The following MAN1C1 variants were observed in gnomAD, a reference collection of about 807,000 sequenced individuals.
The protein encoded by MAN1C1 is mannosyl-oligosaccharide 1,2-alpha-mannosidase IC.
In MAN1C1, 49 loss-of-function variants were observed where a neutral mutation model predicts 71.5. The observed-to-expected ratio is 0.69, with a 90% CI of 0.54 to 0.87. The LOEUF is 0.87. Among genes scored for constraint, MAN1C1 ranks in the 40% least tolerant of loss-of-function variants. MAN1C1 has a pLI of 0.00. For synonymous variants in MAN1C1, 352 were observed against 343.7 expected, an observed-to-expected ratio of 1.02 and a Z score of -0.27; for missense variants, 743 against 835.0, an observed-to-expected ratio of 0.89 and a Z score of 1.36.
rs568979744 is a variant in MAN1C1, at chr1:25,711,813, ACTTT to A, written c.637+25282_637+25285del. On this transcript the variant is annotated intron_variant, in intron 2 of 11. Coordinates refer to ENST00000374332, the MANE Select transcript of MAN1C1 (RefSeq NM_020379.4). This position sits in a 1 kb window ranked among gnomAD's most constrained non-coding sequence, Gnocchi z 4.3. ...TGCTGTCCTGTGTGTGAAAGAGGAT[ACTTT>A]CTTTATTTTACTAAAAGATTCCTTT... 2.5e-3 allele frequency among the ~76,000 whole-genome samples: 381 copies of A among 152,284 alleles called. 2 individuals are homozygous for A. The highest frequency in any genetic ancestry group is 8.8e-3 in the African/African-American group (364 of 41,540).
chr1:25,708,650 C>T lies in MAN1C1; in HGVS notation c.637+22114C>T, dbSNP rs147052673. On this transcript the variant is annotated intron_variant, in intron 2 of 11. Transcript: ENST00000374332. ...CTGTAATCCCAGCACTTTGGGAGGC[C>T]GAGGCAGGCGGATCACCTGAGGTCA... Among the ~76,000 whole-genome samples the T allele has an allele frequency of 8.7e-3, 1,330 of 152,158 alleles. 14 individuals are homozygous for T. The highest frequency in any genetic ancestry group is 0.027 in the African/African-American group (1,140 of 41,488).
intron 10 of MAN1C1, 112 bp downstream of exon 10, chr1:25,781,224 C>T (rs757039522): frequency 2.0e-5 from 23 of 1,143,228 alleles, no homozygotes; most frequent in African/African-American, 3.1e-5. Context: ...GCCACGTTGA[C>T]CTCTGACCAC....
chr1:25,689,826 G>C (rs1020882060), intron 2 of MAN1C1, among the ~76,000 whole-genome samples: 1 of 152,186 alleles, frequency 6.6e-6, no homozygotes, highest in Non-Finnish European at 1.5e-5. Context: ...GGGTATACGA[G>C]GAGACCCTGA....
chr1:25,645,679 C>T (rs888287682), intron 1 of MAN1C1: 4 of 152,218 alleles, frequency 2.6e-5, no homozygotes, highest in Admixed American at 2.0e-4. Flanking sequence ...AAACCAAGCC[C>T]CGACCATTGA....
At chr1:25,675,667 T>C (rs976325759) in intron 1 of MAN1C1, among the ~76,000 whole-genome samples, 2 of 151,142 alleles carry the variant, frequency 1.3e-5, no homozygotes, top group South Asian at 2.1e-4. Context: ...GGAATCTCCA[T>C]ACTGTTTTCC....
chr1:25,669,686 G>A (rs1384656190), intron 1 of MAN1C1, among the ~76,000 whole-genome samples: 2 of 152,182 alleles, frequency 1.3e-5, no homozygotes, highest in Non-Finnish European at 2.9e-5. Context: ...AGGCTGAGGT[G>A]AGAGGATCAC....
chr1:25,708,559 G>C (rs548637044), intron 2 of MAN1C1, among the ~76,000 whole-genome samples: 1 of 152,114 alleles, frequency 6.6e-6, no homozygotes, highest in Non-Finnish European at 1.5e-5. Context: ...AGCCCAGTAG[G>C]TCTCAGCTTC....
At chr1:25,702,862 C>T (rs1172079099) in intron 2 of MAN1C1, among the ~76,000 whole-genome samples, 5 of 152,178 alleles carry the variant, frequency 3.3e-5, no homozygotes, top group East Asian at 1.9e-4. Flanking sequence ...GGCATCTTTG[C>T]GTGCCAGTGA....
rs1441730722 is a variant in MAN1C1, at chr1:25,617,818, C to T, written c.21C>T (p.Pro7=). 5 of 1,602,686 alleles carry T rather than the reference C, an allele frequency of 3.1e-6. No homozygotes were observed. The highest frequency in any genetic ancestry group is 2.7e-5 in the African/African-American group (2 of 73,844). The change falls in exon 1 of 12, where the codon CCC becomes CCT. Residue 7 remains proline, a synonymous_variant. Transcript: ENST00000374332. This position sits in a 1 kb window ranked among gnomAD's most constrained non-coding sequence, Gnocchi z 5.1. Reference sequence around the variant, plus strand: ...CCACGATGCTCATGAGGAAAGTGCCCGGCTTCGTCCCGGCCTCCCCGTGGG... The same window carrying T: ...CCACGATGCTCATGAGGAAAGTGCCTGGCTTCGTCCCGGCCTCCCCGTGGG... MLMRKV[P]GFVPASPWGL...
chr1:25,726,475 C>T (rs954507231), intron 2 of MAN1C1, among the ~76,000 whole-genome samples: 1 of 152,148 alleles, frequency 6.6e-6, no homozygotes, highest in Admixed American at 6.5e-5. Flanking sequence ...ACACACACTT[C>T]GTAATGGGGT....
rs2047247310 is a variant in MAN1C1 at position 25,753,645 on chromosome 1, G to A, written c.929+67G>A. 2.7e-6 allele frequency: 4 copies of A among 1,468,276 alleles called. No individual in the cohort carries two copies. The Admixed American group carries it at 7.3e-5, about 27-fold the overall frequency. 91.0% of individuals were successfully genotyped at this position (1,468,276 alleles called of 1,614,324 possible). ...CATGCCCACCATTTGTGTTTTGTCT[G>A]GGTGGTGCTGGTGAGGAGGCTCCAG... is the stretch of plus-strand genomic sequence containing the variant. On this transcript the variant is annotated intron_variant, in intron 5 of 11. Coordinates refer to ENST00000374332, the MANE Select transcript of MAN1C1 (RefSeq NM_020379.4). The surrounding 1 kb of genome is among the most constrained non-coding windows in gnomAD (Gnocchi z 4.9).
At chr1:25,668,189 T>C (rs1201462288) in intron 1 of MAN1C1, among the ~76,000 whole-genome samples, 1 of 152,106 alleles carries the variant, frequency 6.6e-6, no homozygotes, top group Non-Finnish European at 1.5e-5. Context: ...TGCATTTTTT[T>C]CAGATATTTA....
At chr1:25,671,071 G>T (rs1203569099) in intron 1 of MAN1C1, among the ~76,000 whole-genome samples, 1 of 152,140 alleles carries the variant, frequency 6.6e-6, no homozygotes, top group Non-Finnish European at 1.5e-5. Context: ...TAGAGATGGA[G>T]TTTCACCATG....
At chr1:25,731,811 T>C (rs1343151050) in intron 2 of MAN1C1, among the ~76,000 whole-genome samples, 1 of 152,208 alleles carries the variant, frequency 6.6e-6, no homozygotes, top group African/African-American at 2.4e-5. Flanking sequence ...CATGGCCTGA[T>C]GGAGAGAAGG....
At chr1:25,761,308 C>T (rs1232113822) in intron 6 of MAN1C1, 1 of 152,076 alleles carries the variant, frequency 6.6e-6, no homozygotes, top group Non-Finnish European at 1.5e-5. Flanking sequence ...GAAATAATTC[C>T]AGGGCATCAG....
intron 2 of MAN1C1, among the ~76,000 whole-genome samples, chr1:25,693,814 CT>C (rs1464133773): frequency 6.6e-6 from 1 of 152,142 alleles, no homozygotes; most frequent in Non-Finnish European, 1.5e-5. Context: ...AGTCTTGTCA[CT>C]TTGGGCGAGT....
In MAN1C1 at chr1:25,631,090, G is replaced by A. The variant is rs2045372595; in HGVS notation, c.540+12753G>A. Among the ~76,000 whole-genome samples the A allele has an allele frequency of 6.6e-6, 1 of 152,114 alleles. No homozygotes were observed. The highest frequency in any genetic ancestry group is 6.5e-5 in the Admixed American group (1 of 15,272). On this transcript the variant is annotated intron_variant, in intron 1 of 11. Coordinates refer to ENST00000374332, the MANE Select transcript of MAN1C1 (RefSeq NM_020379.4). The surrounding 1 kb of genome is among the most constrained non-coding windows in gnomAD (Gnocchi z 4.2). ...AGTGATTCTTGTGCCTCAGCCTCCT[G>A]AGCAGCTGGGATTACAGGCATGTAC...
At chr1:25,652,436 G>A (rs3014717) in intron 1 of MAN1C1, among the ~76,000 whole-genome samples, 34,822 of 152,192 alleles carry the variant, frequency 0.23, 4,076 homozygotes, top group East Asian at 0.37. Flanking sequence ...CTCAAGTTCT[G>A]TTCCAGCTGG....
At position 25,680,126 on chromosome 1, in the gene MAN1C1, A is replaced by C. The variant is rs565246393; in HGVS notation, c.541-6314A>C. On this transcript the variant is annotated intron_variant, in intron 1 of 11. Coordinates refer to ENST00000374332, the MANE Select transcript of MAN1C1 (RefSeq NM_020379.4). Reference sequence around the variant, plus strand: ...GGCTCAGGCTGGAGTGCAGTGGCGCAATCTCGGCTCACTACAACCTCTGCC... The same window carrying C: ...GGCTCAGGCTGGAGTGCAGTGGCGCCATCTCGGCTCACTACAACCTCTGCC... Among the ~76,000 whole-genome samples the C allele has an allele frequency of 5.3e-5, 8 of 151,924 alleles. No homozygotes were observed. The East Asian group carries it at 1.6e-3, about 29-fold the overall frequency.
Sources: allele counts gnomAD v4.1 joint callset (sites outside exome capture counted in the v4.1 genomes callset), GRCh38; gene constraint gnomAD v4.1.1; non-coding constraint Gnocchi (gnomAD v3.1); transcripts MANE v1.5; gene names NCBI Gene and HGNC (gene_info 2026-07-23, HGNC 2026-07-21).